The following SLC4A4 variants were observed in gnomAD, a reference collection of about 807,000 sequenced individuals.
SLC4A4 encodes solute carrier family 4 member 4.
In SLC4A4, 27 loss-of-function variants were observed where a neutral mutation model predicts 111.5. The ratio of observed to expected loss-of-function variants is 0.24; its 90% CI spans 0.18 to 0.33. SLC4A4 has a LOEUF of 0.33. SLC4A4 is among the 10% of genes least tolerant of loss of function. The pLI, the probability that SLC4A4 is intolerant of heterozygous loss-of-function variation, is 1.00. For missense variants in SLC4A4, 909 were observed against 1,315.5 expected (o/e 0.69, Z 4.78); for synonymous variants, 443 against 463.4 (o/e 0.96, Z 0.57).
rs181604483 is a variant in SLC4A4, at chr4:71,531,855, A to G, written c.2167-207A>G. Reference sequence around the variant, plus strand: ...GAGCGAGCGCAACCTGTTCTTTGGGATACATTACATTATCTAGCCAGGTGA... The same window carrying G: ...GAGCGAGCGCAACCTGTTCTTTGGGGTACATTACATTATCTAGCCAGGTGA... On this transcript the variant is annotated intron_variant, in intron 16 of 25. Transcript: ENST00000264485. Among the ~76,000 whole-genome samples, 8 of 151,936 alleles carry G rather than the reference A, an allele frequency of 5.3e-5. No individual in the cohort carries two copies. In the East Asian group the frequency reaches 9.7e-4, roughly 18 times the overall value.
intron 3 of SLC4A4, among the ~76,000 whole-genome samples, chr4:71,297,665 G>T (rs527684020): frequency 7.0e-6 from 1 of 142,236 alleles, no homozygotes; most frequent in South Asian, 2.3e-4. Flanking sequence ...TAGGCTCATT[G>T]CAACCTCCGC....
intron 7 of SLC4A4, among the ~76,000 whole-genome samples, chr4:71,423,741 A>G (rs1420124593): frequency 6.6e-6 from 1 of 152,244 alleles, no homozygotes; most frequent in African/African-American, 2.4e-5. Flanking sequence ...GCAATGGGGA[A>G]AGGATTCCCT....
intron 2 of SLC4A4, among the ~76,000 whole-genome samples, chr4:71,103,762 A>G (rs1192087483): frequency 6.6e-6 from 1 of 152,164 alleles, no homozygotes; most frequent in Non-Finnish European, 1.5e-5. Flanking sequence ...TCTGGGATGC[A>G]TTTAAAGCAG....
chr4:71,423,431 T>C (rs1722761265), intron 7 of SLC4A4, among the ~76,000 whole-genome samples: 1 of 152,326 alleles, frequency 6.6e-6, no homozygotes, highest in Middle Eastern at 3.4e-3. Flanking sequence ...ATTTATAGAT[T>C]CAATGCCATG....
chr4:71,330,193 G>T (rs926407270), intron 3 of SLC4A4, among the ~76,000 whole-genome samples: 9 of 152,080 alleles, frequency 5.9e-5, no homozygotes, highest in Admixed American at 2.0e-4. Flanking sequence ...TTTTTAATGT[G>T]TGTTGAATTT....
intron 4 of SLC4A4, among the ~76,000 whole-genome samples, chr4:71,344,632 A>G (rs947411581): frequency 6.6e-6 from 1 of 152,134 alleles, no homozygotes; most frequent in Non-Finnish European, 1.5e-5. Flanking sequence ...CTCCAGCTCC[A>G]TGTAGGTTCT....
At chr4:71,279,586 C>A (rs1261914155) in intron 3 of SLC4A4, among the ~76,000 whole-genome samples, 1 of 151,972 alleles carries the variant, frequency 6.6e-6, no homozygotes, top group Non-Finnish European at 1.5e-5. Context: ...TATGTGAGTG[C>A]AGATATTAAT....
In SLC4A4 at chr4:71,513,319, G is replaced by T. The variant is rs551663781; in HGVS notation, c.2166+15627G>T. Among the ~76,000 whole-genome samples the T allele has an allele frequency of 2.6e-5, 4 of 152,130 alleles. No individual in the cohort carries two copies. The South Asian group carries it at 6.2e-4, about 24-fold the overall frequency. ...CTCTTCATTTCATCAGTGTTGTGCA[G>T]TTTTCTTTCTAGAGATGTTTCACCC... is the stretch of plus-strand genomic sequence containing the variant. On this transcript the variant is annotated intron_variant, in intron 16 of 25. Transcript: ENST00000264485.
chr4:71,300,831 G>T (rs1243665865), intron 3 of SLC4A4: 11 of 449,714 alleles, frequency 2.4e-5, no homozygotes, highest in Admixed American at 1.4e-4. Flanking sequence ...CAGAGAAGCA[G>T]TGCTGGAGGC....
chr4:71,530,386 A>G (rs1733814124), intron 16 of SLC4A4, among the ~76,000 whole-genome samples: 1 of 152,162 alleles, frequency 6.6e-6, no homozygotes, highest in Non-Finnish European at 1.5e-5. Flanking sequence ...TGTTTTGCAG[A>G]TGAAGTAATT....
intron 14 of SLC4A4, among the ~76,000 whole-genome samples, chr4:71,476,864 T>C (rs189760544): frequency 1.1e-3 from 162 of 151,848 alleles, no homozygotes; most frequent in Non-Finnish European, 2.1e-3. Context: ...TGGGTGGTTT[T>C]TGTGCTAAGA....
chr4:71,210,155 C>T lies in SLC4A4; in HGVS notation c.-2+22754C>T, dbSNP rs1368192320. Among the ~76,000 whole-genome samples the T allele has an allele frequency of 2.0e-5, 3 of 152,126 alleles. 1 individual carries two copies. The highest frequency in any genetic ancestry group is 4.4e-5 in the Non-Finnish European group (3 of 68,040). On this transcript the variant is annotated intron_variant, in intron 1 of 25. Coordinates refer to ENST00000264485, the MANE Select transcript of SLC4A4 (RefSeq NM_001098484.3). ...CCCATCTGAGTAGCCCTGGGTGTCG[C>T]CCTGAGCTCACCTGCATGTTGGCCT...
chr4:71,365,341 A>G (rs1731145523), intron 6 of SLC4A4, among the ~76,000 whole-genome samples: 1 of 152,182 alleles, frequency 6.6e-6, no homozygotes, highest in Admixed American at 6.5e-5. Context: ...TTTCCTTAAT[A>G]GAGCCACGCT....
intron 17 of SLC4A4, 109 bp downstream of exon 17, chr4:71,532,284 T>A (rs1345510043): frequency 4.0e-6 from 3 of 754,796 alleles, no homozygotes; most frequent in Non-Finnish European, 7.1e-6. Flanking sequence ...ATTATCCATA[T>A]TTTTTTTCCA....
At chr4:71,071,079 T>A (rs1741646730) in intron 1 of SLC4A4, among the ~76,000 whole-genome samples, 1 of 149,696 alleles carries the variant, frequency 6.7e-6, no homozygotes, top group African/African-American at 2.6e-5. Context: ...GAGACCAGCC[T>A]GGCCAACATA....
chr4:71,545,551 A>G (rs1046155524), intron 18 of SLC4A4, among the ~76,000 whole-genome samples: 6 of 151,994 alleles, frequency 3.9e-5, no homozygotes, highest in Non-Finnish European at 5.9e-5. Context: ...ACATTTAACA[A>G]TATTTATTTA....
intron 6 of SLC4A4, among the ~76,000 whole-genome samples, chr4:71,381,613 T>G (rs1219942305): frequency 6.6e-6 from 1 of 152,176 alleles, no homozygotes; most frequent in Non-Finnish European, 1.5e-5. Context: ...AATTCATTCA[T>G]TCATTTAAAT....
At chr4:71,229,345 T>A (rs566368809) in intron 1 of SLC4A4, among the ~76,000 whole-genome samples, 1 of 152,364 alleles carries the variant, frequency 6.6e-6, no homozygotes, top group African/African-American at 2.4e-5. Flanking sequence ...TCTACTATAC[T>A]TAAAGCTGCT....
intron 3 of SLC4A4, among the ~76,000 whole-genome samples, chr4:71,311,149 CT>C (rs1264754997): frequency 1.3e-5 from 2 of 152,142 alleles, no homozygotes; most frequent in Non-Finnish European, 2.9e-5. Flanking sequence ...GCTAACTATC[CT>C]AAATATATAT....
Sources: gnomAD v4.1 joint callset for allele counts (sites outside exome capture counted in the v4.1 genomes callset) on GRCh38, gnomAD v4.1.1 for gene constraint, MANE v1.5 for transcripts, NCBI Gene and HGNC (gene_info 2026-07-23, HGNC 2026-07-21) for gene names.